The following RYR2 variants were observed in gnomAD, a reference collection of about 807,000 sequenced individuals.
The protein encoded by RYR2 is cardiac muscle ryanodine receptor-calcium release channel.
In RYR2, 227 loss-of-function variants were observed where a neutral mutation model predicts 601.1. The observed-to-expected ratio is 0.38, with a 90% CI of 0.34 to 0.42. RYR2 has a LOEUF of 0.42. Ranked by LOEUF, RYR2 falls within the 10% of genes least tolerant of loss-of-function variation. The pLI is 1.00. For synonymous variants in RYR2, 2,223 were observed against 2,175.1 expected, an observed-to-expected ratio of 1.02 and a Z score of -0.61; for missense variants, 4,646 against 6,156.5, an observed-to-expected ratio of 0.75 and a Z score of 8.21.
chr1:237,492,826 A>AGGAAGGAAGGAAGGAAGGAC, intron 18 of RYR2, 128 bp from the exon 19 acceptor site: 1 of 427,102 alleles, frequency 2.3e-6, no homozygotes, highest in Non-Finnish European at 3.7e-6. Flanking sequence ...GCTGTCTGAA[A>AGGAAGGAAGGAAGGAAGGAC]GGAAGGAAGG....
At chr1:237,042,681 G>A in intron 1 of RYR2, 112 bp downstream of exon 1, 4 of 1,081,494 alleles carry the variant, frequency 3.7e-6, no homozygotes, top group Non-Finnish European at 4.8e-6. Flanking sequence ...CGGGGCGAGG[G>A]GGTGCCCCCT....
At chr1:237,168,532 ACT>A (rs374544898) in intron 1 of RYR2, among the ~76,000 whole-genome samples, 35 of 151,542 alleles carry the variant, frequency 2.3e-4, no homozygotes, top group African/African-American at 8.5e-4. Flanking sequence ...GTTGTTCTAT[ACT>A]CTCTCTTTTC....
At position 237,511,834 on chromosome 1, in the gene RYR2, GAAAAAAAAAAAAA is replaced by G. The variant is rs71561879; in HGVS notation, c.2822+56_2822+68del. On this transcript the variant is annotated intron_variant, in intron 24 of 104. Coordinates refer to ENST00000366574, the MANE Select transcript of RYR2 (RefSeq NM_001035.3). The stretch of plus-strand genomic sequence containing the variant: ...TTCTATTTTCCAACCTGCCTTCCCT[GAAAAAAAAAAAAA>G]AAAAAAAAAAAACAGGTATTGATGC... 9.5e-5 allele frequency: 18 copies of G among 189,056 alleles called. No individual in the cohort carries two copies. In the South Asian group the frequency reaches 1.4e-3, roughly 15 times the overall value. The allele number at this position is 189,056 out of a possible 1,614,324, so 11.7% of individuals were successfully genotyped here.
intron 10 of RYR2, among the ~76,000 whole-genome samples, chr1:237,389,583 A>G (rs1429358578): frequency 1.3e-5 from 2 of 152,192 alleles, no homozygotes. Flanking sequence ...GTTTACTTGC[A>G]TCATAGACAT....
chr1:237,122,448 G>A (rs929689269), intron 1 of RYR2, among the ~76,000 whole-genome samples: 4 of 152,324 alleles, frequency 2.6e-5, no homozygotes, highest in African/African-American at 4.8e-5. Flanking sequence ...TTGGGAGGTC[G>A]AGGCGGGGGG....
intron 2 of RYR2, among the ~76,000 whole-genome samples, chr1:237,288,023 C>T (rs558439728): frequency 2.7e-4 from 41 of 152,270 alleles, no homozygotes; most frequent in African/African-American, 8.7e-4. Flanking sequence ...GTAGTACTTT[C>T]CCCCTTTTCT....
intron 27 of RYR2, among the ~76,000 whole-genome samples, chr1:237,558,128 T>TA (rs1414240710): frequency 6.6e-6 from 1 of 152,018 alleles, no homozygotes. Context: ...AGAGCATGGG[T>TA]AAAGGGATTG....
At chr1:237,327,910 G>T (rs1430289486) in intron 2 of RYR2, among the ~76,000 whole-genome samples, 1 of 152,084 alleles carries the variant, frequency 6.6e-6, no homozygotes, top group Non-Finnish European at 1.5e-5. Flanking sequence ...TTTTGCTTAG[G>T]TGGTCTGTGT....
chr1:237,204,092 C>T (rs534365700), intron 1 of RYR2, among the ~76,000 whole-genome samples: 1 of 152,200 alleles, frequency 6.6e-6, no homozygotes, highest in African/African-American at 2.4e-5. Flanking sequence ...CGCACTGCAA[C>T]CTTCTCCTCC....
chr1:237,088,879 C>T (rs965913231), intron 1 of RYR2, among the ~76,000 whole-genome samples: 1 of 152,166 alleles, frequency 6.6e-6, no homozygotes, highest in Non-Finnish European at 1.5e-5. Flanking sequence ...TCAGAGACAA[C>T]ATTTTATTTA....
intron 55 of RYR2, 57 bp downstream of exon 55, chr1:237,660,131 T>A: frequency 9.9e-7 from 1 of 1,013,048 alleles, no homozygotes; most frequent in Non-Finnish European, 1.4e-6. Context: ...GAAAAATGTG[T>A]TTTTTGGTTA....
chr1:237,317,984 G>T (rs1268957623), intron 2 of RYR2, among the ~76,000 whole-genome samples: 1 of 152,088 alleles, frequency 6.6e-6, no homozygotes, highest in Non-Finnish European at 1.5e-5. Context: ...CATTTGCCAT[G>T]TTGTTTTTTC....
At chr1:237,535,378 A>C (rs566547857) in intron 25 of RYR2, among the ~76,000 whole-genome samples, 4 of 152,058 alleles carry the variant, frequency 2.6e-5, no homozygotes, top group Non-Finnish European at 5.9e-5. Context: ...AAACTTTCTA[A>C]AGGTAAAAGT....
Position 237,494,999 on chromosome 1 carries a change from C to T in RYR2, c.1962-1512C>T, listed in dbSNP as rs2086210. On this transcript the variant is annotated intron_variant, in intron 19 of 104. Coordinates refer to ENST00000366574, the MANE Select transcript of RYR2 (RefSeq NM_001035.3). ...AGAGACGGGGTTTCACCATGTTGGC[C>T]AGCCTGGTCTCGAACTCCTGACCTT... is the stretch of plus-strand genomic sequence containing the variant. Among the ~76,000 whole-genome samples the T allele has an allele frequency of 4.3e-4, 65 of 151,880 alleles. No homozygotes were observed. The South Asian group carries it at 4.8e-3, about 11-fold the overall frequency.
intron 22 of RYR2, among the ~76,000 whole-genome samples, chr1:237,504,722 A>G (rs956581206): frequency 5.3e-5 from 8 of 152,212 alleles, no homozygotes; most frequent in African/African-American, 1.9e-4. Flanking sequence ...ACTTGAAGTA[A>G]TATCATACAG....
At chr1:237,048,638 A>G (rs1660882132) in intron 1 of RYR2, among the ~76,000 whole-genome samples, 1 of 152,038 alleles carries the variant, frequency 6.6e-6, no homozygotes, top group Non-Finnish European at 1.5e-5. Context: ...ACCAATTCCG[A>G]TTTTACCTTT....
chr1:237,427,041 A>G (rs923252596), intron 12 of RYR2, among the ~76,000 whole-genome samples: 1 of 152,232 alleles, frequency 6.6e-6, no homozygotes, highest in Non-Finnish European at 1.5e-5. Context: ...TGGAAGCATA[A>G]ATACTTAACA....
At chr1:237,567,605 A>G (rs1672225430) in intron 28 of RYR2, among the ~76,000 whole-genome samples, 1 of 152,064 alleles carries the variant, frequency 6.6e-6, no homozygotes, top group Non-Finnish European at 1.5e-5. Flanking sequence ...AAACAAAAAA[A>G]TAATAATAAC....
intron 1 of RYR2, among the ~76,000 whole-genome samples, chr1:237,148,565 T>C (rs113301587): frequency 0.029 from 2,448 of 84,714 alleles, 69 homozygotes; most frequent in African/African-American, 0.066. Flanking sequence ...CACACACACA[T>C]ATATATATAT....
Sources: allele counts gnomAD v4.1 joint callset (sites outside exome capture counted in the v4.1 genomes callset), GRCh38; gene constraint gnomAD v4.1.1; transcripts MANE v1.5; gene names NCBI Gene and HGNC (gene_info 2026-07-23, HGNC 2026-07-21).